SCUBE1: variants seen among roughly 807,000 people sequenced by gnomAD.
SCUBE1 encodes signal peptide, CUB and EGF-like domain-containing protein 1.
SCUBE1 carries 59 observed loss-of-function variants against 124.4 expected under a neutral mutation model. The ratio of observed to expected loss-of-function variants is 0.47; its 90% confidence interval spans 0.38 to 0.59. The LOEUF (loss-of-function observed/expected upper bound fraction) is 0.59, where lower values mean the gene tolerates loss of function less well. SCUBE1 is among the 20% of genes least tolerant of loss of function. The pLI is 0.00. For missense variants in SCUBE1, 1,150 were observed against 1,371.2 expected (o/e 0.84, Z 2.55); for synonymous variants, 545 against 550.9 (o/e 0.99, Z 0.15).
At position 43,263,343 on chromosome 22, in the gene SCUBE1, G is replaced by A. The variant is rs572917610; in HGVS notation, c.485-498C>T. Among the ~76,000 whole-genome samples the A allele has an allele frequency of 3.0e-3, 454 of 152,252 alleles. 2 individuals carry two copies. Among genetic ancestry groups the A allele is most frequent in the African/African-American group, 0.01 (436 of 41,544 alleles). ...TTATCTTCCTGGTGATTTGTGAGGC[G>A]TTTCTAGAATTTATGAGGTCAGGGG... On this transcript the variant is annotated intron_variant, in intron 4 of 21. Coordinates refer to ENST00000360835, the MANE Select transcript of SCUBE1 (RefSeq NM_173050.5).
intron 5 of SCUBE1, among the ~76,000 whole-genome samples, chr22:43,261,200 G>A (rs896144870): frequency 2.6e-5 from 4 of 152,232 alleles, no homozygotes; most frequent in Non-Finnish European, 4.4e-5. Flanking sequence ...TGAGGTGGCC[G>A]GGGGCAGAAG....
At chr22:43,241,390 A>G (rs1922999860) in intron 6 of SCUBE1, among the ~76,000 whole-genome samples, 1 of 151,904 alleles carries the variant, frequency 6.6e-6, no homozygotes, top group Non-Finnish European at 1.5e-5. Context: ...CCTGAAGAGG[A>G]TCCGGTACGG....
intron 20 of SCUBE1, 53 bp downstream of exon 20, chr22:43,208,019 C>G: frequency 6.2e-7 from 1 of 1,601,044 alleles, no homozygotes; most frequent in South Asian, 1.1e-5. Flanking sequence ...CTCTGTGTCT[C>G]CAGGGCCCCG....
chr22:43,247,666 A>G (rs916957502), intron 6 of SCUBE1, among the ~76,000 whole-genome samples: 2 of 152,332 alleles, frequency 1.3e-5, no homozygotes. Context: ...GCTGGATCCA[A>G]CTAGAGAGAG....
chr22:43,343,016 G>A (rs1318652050), intron 1 of SCUBE1, among the ~76,000 whole-genome samples, 158 bp downstream of exon 1: 1 of 150,986 alleles, frequency 6.6e-6, no homozygotes, highest in African/African-American at 2.4e-5. Flanking sequence ...GGGAGGGGGC[G>A]CCCCGGGCCG....
chr22:43,207,972 G>T, intron 20 of SCUBE1, 100 bp downstream of exon 20: 1 of 1,339,436 alleles, frequency 7.5e-7, no homozygotes, highest in Non-Finnish European at 1.1e-6. Context: ...GTACCTGCCA[G>T]GTCGCAGCTC....
chr22:43,316,079 G>T (rs1177321139), intron 3 of SCUBE1, among the ~76,000 whole-genome samples: 1 of 152,182 alleles, frequency 6.6e-6, no homozygotes, highest in Non-Finnish European at 1.5e-5. Flanking sequence ...CATCTCATCT[G>T]GAAGCCAGTG....
chr22:43,312,832 C>A (rs1306619102), intron 3 of SCUBE1, among the ~76,000 whole-genome samples: 2 of 152,106 alleles, frequency 1.3e-5, no homozygotes, highest in Non-Finnish European at 2.9e-5. Context: ...CGGATAGATA[C>A]AGGCGTGCAT....
intron 3 of SCUBE1, among the ~76,000 whole-genome samples, chr22:43,292,696 C>T (rs1925410857): frequency 6.6e-6 from 1 of 152,152 alleles, no homozygotes; most frequent in Non-Finnish European, 1.5e-5. Flanking sequence ...GTGACCTGCA[C>T]TGAACTGGGA....
At chr22:43,319,608 A>G (rs1392476414) in intron 3 of SCUBE1, among the ~76,000 whole-genome samples, 1 of 151,124 alleles carries the variant, frequency 6.6e-6, no homozygotes, top group East Asian at 1.9e-4. Flanking sequence ...ACAGAGAGAC[A>G]CTAGACACTT....
chr22:43,255,361 G>T lies in SCUBE1; in HGVS notation c.727+2858C>A. ...ACAACACAGACATATGCCCCCACAC[G>T]CACACGTCACACCCACACACAGCAC... is the stretch of plus-strand genomic sequence containing the variant. On this transcript the variant is annotated intron_variant, in intron 6 of 21. Coordinates refer to ENST00000360835, the MANE Select transcript of SCUBE1 (RefSeq NM_173050.5). The surrounding 1 kb of genome is among the most constrained non-coding windows in gnomAD (Gnocchi z 4.7). The T allele has an allele frequency of 1.2e-6, 1 of 809,018 alleles. No individual in the cohort carries two copies. The highest frequency in any genetic ancestry group is 2.1e-6 in the Non-Finnish European group (1 of 487,420). 50.1% of individuals were successfully genotyped at this position (809,018 alleles called of 1,614,324 possible).
Position 43,227,403 on chromosome 22 carries a change from C to T in SCUBE1, c.1178G>A (p.Arg393Gln), listed in dbSNP as rs1387485228. 5.0e-6 allele frequency: 8 copies of T among 1,611,922 alleles called. No individual in the cohort carries two copies. The East Asian group carries it at 6.7e-5, about 13-fold the overall frequency. ...SYECVCPPGR[R>Q]LHWNGKDCVE... Reference sequence around the variant, plus strand: ...GCAATCCTTCCCGTTCCAGTGGAGCCGCCTCCCCGGGGGACAGACGCACTC... The same window carrying T: ...GCAATCCTTCCCGTTCCAGTGGAGCTGCCTCCCCGGGGGACAGACGCACTC... The change falls in exon 10 of 22, where the codon CGG becomes CAG. Residue 393 changes from arginine to glutamine, a missense_variant. Arg to Gln is a conservative substitution (Grantham distance 43). Around this residue, in one of 3 missense-constraint regions of SCUBE1, gnomAD observed 757 missense variants for 840.9 expected, o/e 0.90. Transcript: ENST00000360835.
intron 3 of SCUBE1, among the ~76,000 whole-genome samples, chr22:43,296,578 C>A (rs1282419829): frequency 6.6e-6 from 1 of 152,234 alleles, no homozygotes; most frequent in Non-Finnish European, 1.5e-5. Flanking sequence ...ATCCTTTCAA[C>A]TGGTGAGAGA....
At chr22:43,330,967 C>T (rs532913819) in intron 2 of SCUBE1, among the ~76,000 whole-genome samples, 2 of 152,242 alleles carry the variant, frequency 1.3e-5, no homozygotes, top group African/African-American at 4.8e-5. Context: ...AGCCTCCCAC[C>T]GCCTACTGCC....
intron 4 of SCUBE1, among the ~76,000 whole-genome samples, chr22:43,285,250 C>G (rs17003592): frequency 0.39 from 59,997 of 152,014 alleles, 12,936 homozygotes; most frequent in East Asian, 0.67. Context: ...TCTAACAGCA[C>G]GACCTGAGGG....
At chr22:43,295,952 G>T (rs569848549) in intron 3 of SCUBE1, among the ~76,000 whole-genome samples, 3 of 152,292 alleles carry the variant, frequency 2.0e-5, no homozygotes, top group African/African-American at 7.2e-5. Context: ...GGAGGAGGCG[G>T]AGGTGTTCTG....
Position 43,285,944 on chromosome 22 carries a change from C to T in SCUBE1, c.484+5102G>A, listed in dbSNP as rs1925122882. Among the ~76,000 whole-genome samples the T allele has an allele frequency of 2.0e-5, 3 of 152,332 alleles. No homozygotes were observed. The South Asian group carries it at 6.2e-4, about 32-fold the overall frequency. ...AAGGACCACCAGCTCGCTAGTTTGT[C>T]GAGGACAAAGCTGGCCTCTTGATCC... On this transcript the variant is annotated intron_variant, in intron 4 of 21. Coordinates refer to ENST00000360835, the MANE Select transcript of SCUBE1 (RefSeq NM_173050.5).
chr22:43,280,220 C>T (rs548400037), intron 4 of SCUBE1, among the ~76,000 whole-genome samples: 5 of 152,194 alleles, frequency 3.3e-5, no homozygotes, highest in South Asian at 2.1e-4. Flanking sequence ...AGACCTCCAG[C>T]GTTCTGCGCT....
At chr22:43,251,619 G>T (rs561200775) in intron 6 of SCUBE1, among the ~76,000 whole-genome samples, 23 of 152,254 alleles carry the variant, frequency 1.5e-4, no homozygotes, top group African/African-American at 5.1e-4. Flanking sequence ...AGAAGGGACC[G>T]CGGGACAAGG....
Sources: gnomAD v4.1 joint callset for allele counts (sites outside exome capture counted in the v4.1 genomes callset) on GRCh38, gnomAD v4.1.1 for gene constraint, gnomAD v4.1.1 regional missense constraint, Gnocchi (gnomAD v3.1) non-coding constraint, MANE v1.5 for transcripts, NCBI Gene and HGNC (gene_info 2026-07-23, HGNC 2026-07-21) for gene names.